The following CPE variants were observed in gnomAD, a reference collection of about 807,000 sequenced individuals.
The protein encoded by CPE is carboxypeptidase E, also known as carbocypeptidase E.
Under a neutral mutation model 53.5 loss-of-function variants are expected in CPE, and 17 were observed. That is an observed-to-expected ratio of 0.32 (90% CI 0.22 to 0.48). The LOEUF (loss-of-function observed/expected upper bound fraction) is 0.48, where lower values mean the gene tolerates loss of function less well. Among genes scored for constraint, CPE ranks in the 20% least tolerant of loss-of-function variants. The probability of loss-of-function intolerance (pLI) is 0.99; values close to 1 mark genes in which losing one functional copy is unlikely to be tolerated. For synonymous variants in CPE, 226 were observed against 228.8 expected (o/e 0.99, Z 0.11); for missense variants, 524 against 614.7 (o/e 0.85, Z 1.56).
At chr4:165,405,621 C>G in intron 1 of CPE, 1 of 790,224 alleles carries the variant, frequency 1.3e-6, no homozygotes, top group South Asian at 1.3e-5. Flanking sequence ...TCAGCTAGTC[C>G]TTTGGGAAAG....
At chr4:165,495,451 A>G (rs937398556) in intron 7 of CPE, 108 bp from the exon 8 acceptor site, 1 of 658,306 alleles carries the variant, frequency 1.5e-6, no homozygotes, top group Admixed American at 2.7e-5. Flanking sequence ...CGAGAATCAA[A>G]AAAGGTGAAC....
chr4:165,436,184 GCACACATACACA>G (rs1560881587), intron 1 of CPE, among the ~76,000 whole-genome samples: 1 of 127,852 alleles, frequency 7.8e-6, no homozygotes, highest in African/African-American at 2.9e-5. Context: ...GCATTTCCCA[GCACACATACACA>G]CACACACACA....
chr4:165,451,003 T>C (rs1399809400), intron 1 of CPE, among the ~76,000 whole-genome samples: 1 of 152,194 alleles, frequency 6.6e-6, no homozygotes, highest in Non-Finnish European at 1.5e-5. Flanking sequence ...AAAGAGTGGT[T>C]CTTAGGCCTG....
chr4:165,448,390 G>C (rs1731751404), intron 1 of CPE, among the ~76,000 whole-genome samples: 1 of 152,092 alleles, frequency 6.6e-6, no homozygotes, highest in Admixed American at 6.5e-5. Context: ...GTTACCTATG[G>C]GGAACTGAGG....
At chr4:165,420,933 T>C (rs1386274882) in intron 1 of CPE, among the ~76,000 whole-genome samples, 1 of 152,230 alleles carries the variant, frequency 6.6e-6, no homozygotes, top group Non-Finnish European at 1.5e-5. Flanking sequence ...TTTACTTAGG[T>C]TTTCATATGT....
intron 1 of CPE, among the ~76,000 whole-genome samples, chr4:165,434,129 T>C (rs1646908210): frequency 6.6e-6 from 1 of 152,154 alleles, no homozygotes; most frequent in African/African-American, 2.4e-5. Flanking sequence ...TTTTTTCATT[T>C]ATCTCAACTT....
intron 1 of CPE, among the ~76,000 whole-genome samples, chr4:165,422,975 T>TC (rs1361944601): frequency 1.1e-3 from 38 of 35,844 alleles, no homozygotes; most frequent in Non-Finnish European, 1.5e-3. Context: ...AAACTCTGTC[T>TC]CAAAAAAAAA....
intron 1 of CPE, among the ~76,000 whole-genome samples, chr4:165,382,906 A>G (rs920005820): frequency 7.9e-5 from 12 of 152,258 alleles, no homozygotes; most frequent in Non-Finnish European, 1.6e-4. Flanking sequence ...GGAATAGCCA[A>G]ACCTATTCTG....
At chr4:165,444,469 C>T (rs1731667048) in intron 1 of CPE, among the ~76,000 whole-genome samples, 1 of 151,562 alleles carries the variant, frequency 6.6e-6, no homozygotes. Context: ...CGAGACCAGC[C>T]TGGGCAACAT....
chr4:165,465,201 G>A (rs1579274212), intron 2 of CPE, among the ~76,000 whole-genome samples: 1 of 151,960 alleles, frequency 6.6e-6, no homozygotes, highest in South Asian at 2.1e-4. Flanking sequence ...TGGACGGGGC[G>A]GGGGACATTA....
At chr4:165,392,190 T>TTA (rs1013915770) in intron 1 of CPE, among the ~76,000 whole-genome samples, 9 of 146,838 alleles carry the variant, frequency 6.1e-5, no homozygotes, top group Non-Finnish European at 1.2e-4. Context: ...TATAATATAC[T>TTA]TATATATATA....
chr4:165,379,015 C>T lies in CPE; in HGVS notation c.-207C>T, dbSNP rs931986257. 30 of 373,296 alleles carry T rather than the reference C, an allele frequency of 8.0e-5. No homozygotes were observed. The highest frequency in any genetic ancestry group is 1.1e-4 in the Non-Finnish European group (25 of 219,294). The allele number at this position is 373,296 out of a possible 1,614,324, so 23.1% of individuals were successfully genotyped here. On this transcript the variant is annotated 5_prime_UTR_variant, in exon 1 of 9. Coordinates refer to ENST00000402744, the MANE Select transcript of CPE (RefSeq NM_001873.4). The surrounding 1 kb of genome is among the most constrained non-coding windows in gnomAD (Gnocchi z 6.0). ...CCCCTGGGCTCCGCGGCCAGTAGTG[C>T]AGCCCGTGGAGCCGCGGCTTTGCCC...
chr4:165,379,861 T>G lies in CPE; in HGVS notation c.307+333T>G, dbSNP rs1180424861. On this transcript the variant is annotated intron_variant, in intron 1 of 8. Transcript: ENST00000402744. This position sits in a 1 kb window ranked among gnomAD's most constrained non-coding sequence, Gnocchi z 6.0. ...ATAGCAATACAGAAAAAACAAATCC[T>G]GACGCACGCAACCCCAGCGGTCGCT... Among the ~76,000 whole-genome samples the G allele has an allele frequency of 6.6e-6, 1 of 150,946 alleles. No homozygotes were observed. The highest frequency in any genetic ancestry group is 1.5e-5 in the Non-Finnish European group (1 of 68,034).
chr4:165,390,527 G>A (rs1000958110), intron 1 of CPE, among the ~76,000 whole-genome samples: 1 of 152,154 alleles, frequency 6.6e-6, no homozygotes, highest in East Asian at 1.9e-4. Context: ...ATGTGTTAAT[G>A]CATAGGAAGA....
chr4:165,452,835 G>C (rs554839201), intron 1 of CPE, among the ~76,000 whole-genome samples: 51 of 152,078 alleles, frequency 3.4e-4, no homozygotes, highest in Non-Finnish European at 6.2e-4. Flanking sequence ...ATCACCTCTA[G>C]ACCCTGTACA....
intron 1 of CPE, among the ~76,000 whole-genome samples, chr4:165,381,682 C>T (rs574888408): frequency 1.3e-5 from 2 of 152,272 alleles, no homozygotes; most frequent in Admixed American, 6.5e-5. Context: ...TATCCCCCTC[C>T]ATCACCTTTT....
Position 165,481,012 on chromosome 4 carries a change from ATATAT to A in CPE, c.673-1228_673-1224del, listed in dbSNP as rs1221992644. On this transcript the variant is annotated intron_variant, in intron 3 of 8. Coordinates refer to ENST00000402744, the MANE Select transcript of CPE (RefSeq NM_001873.4). ...CTACAATGGATATATATATATATAT[ATATAT>A]TTTTTTTTTTTTTTTTAGCAAAAAT... is the stretch of plus-strand genomic sequence containing the variant. Among the ~76,000 whole-genome samples the A allele has an allele frequency of 2.2e-4, 11 of 50,078 alleles. No individual in the cohort carries two copies. The South Asian group carries it at 0.01, about 48-fold the overall frequency. 32.9% of individuals were successfully genotyped at this position (50,078 alleles called of 152,430 possible).
chr4:165,465,778 T>C (rs950105414), intron 2 of CPE, among the ~76,000 whole-genome samples: 3 of 152,154 alleles, frequency 2.0e-5, no homozygotes, highest in African/African-American at 7.2e-5. Flanking sequence ...GGGAGACATG[T>C]TATTAGTCTA....
intron 1 of CPE, among the ~76,000 whole-genome samples, chr4:165,410,184 G>A (rs867112935): frequency 6.7e-6 from 1 of 149,234 alleles, no homozygotes; most frequent in Non-Finnish European, 1.5e-5. Flanking sequence ...GGGAGGCAGA[G>A]TTTGCAGTGA....
Sources: gnomAD v4.1 joint callset for allele counts (sites outside exome capture counted in the v4.1 genomes callset) on GRCh38, gnomAD v4.1.1 for gene constraint, Gnocchi (gnomAD v3.1) non-coding constraint, MANE v1.5 for transcripts, NCBI Gene and HGNC (gene_info 2026-07-23, HGNC 2026-07-21) for gene names.